Variants in PCDHAC1 observed in about 807,000 individuals in gnomAD.
The protein encoded by PCDHAC1 is protocadherin alpha subfamily C, 1.
PCDHAC1 carries 42 observed loss-of-function variants against 60.0 expected under a neutral mutation model. The observed-to-expected ratio is 0.70, with a 90% CI of 0.55 to 0.90. The LOEUF is 0.90. PCDHAC1 is among the 40% of genes least tolerant of loss of function. The pLI, the probability that PCDHAC1 is intolerant of heterozygous loss-of-function variation, is 0.00. For synonymous variants in PCDHAC1, 468 were observed against 499.3 expected, an observed-to-expected ratio of 0.94 and a Z score of 0.84; for missense variants, 1,160 against 1,222.3, an observed-to-expected ratio of 0.95 and a Z score of 0.76.
At chr5:141,000,393 CTCTATATATA>C (rs1279908183) in intron 3 of PCDHAC1, among the ~76,000 whole-genome samples, 25 of 52,852 alleles carry the variant, frequency 4.7e-4, no homozygotes, top group South Asian at 8.2e-4. Flanking sequence ...CTCTCTCTCT[CTCTATATATA>C]TATATATATA....
At position 140,990,592 on chromosome 5, in the gene PCDHAC1, C is replaced by T. The variant is rs150978794; in HGVS notation, c.2581+8029C>T. On this transcript the variant is annotated intron_variant, in intron 3 of 3. Coordinates refer to ENST00000253807, the MANE Select transcript of PCDHAC1 (RefSeq NM_018898.5). ...GTTCGATCTCTTTTCCTATAATCAC[C>T]TGGAGTCAGATGAATACCGTAAAGG... 2.7e-3 allele frequency among the ~76,000 whole-genome samples: 412 copies of T among 152,286 alleles called. 2 individuals are homozygous for T. Among genetic ancestry groups the T allele is most frequent in the African/African-American group, 9.5e-3 (395 of 41,556 alleles).
intron 3 of PCDHAC1, among the ~76,000 whole-genome samples, chr5:140,994,698 C>G (rs1238723224): frequency 6.6e-6 from 1 of 151,898 alleles, no homozygotes; most frequent in Non-Finnish European, 1.5e-5. Context: ...GAATGAGACC[C>G]TGTCTCAAAA....
chr5:141,003,588 T>C (rs558863784), intron 3 of PCDHAC1, among the ~76,000 whole-genome samples: 65 of 152,252 alleles, frequency 4.3e-4, no homozygotes, highest in African/African-American at 1.3e-3. Context: ...GCTGGGATTT[T>C]AGATGTGAGC....
rs782761972 is a variant in PCDHAC1, at chr5:140,927,978, T to C, written c.1086T>C (p.Phe362=). 9.9e-6 allele frequency: 16 copies of C among 1,614,092 alleles called. No individual in the cohort carries two copies. In the East Asian group the frequency reaches 1.8e-4, roughly 18 times the overall value. ...CCCCTGGCACAGTGATTGCTCTCTTTAGTGTAAAGGATGAAGACCTCGATT... is the reference window on the plus strand; with the variant it reads ...CCCCTGGCACAGTGATTGCTCTCTTCAGTGTAAAGGATGAAGACCTCGATT... The part of the protein sequence containing the change: ...DAAPGTVIAL[F]SVKDEDLDSN... The change falls in exon 1 of 4, where the codon TTT becomes TTC. Residue 362 remains phenylalanine, a synonymous_variant. Coordinates refer to ENST00000253807, the MANE Select transcript of PCDHAC1 (RefSeq NM_018898.5).
chr5:140,997,409 A>G (rs1378198322), intron 3 of PCDHAC1, among the ~76,000 whole-genome samples: 2 of 152,180 alleles, frequency 1.3e-5, no homozygotes, highest in Non-Finnish European at 1.5e-5. Flanking sequence ...CGTATGGCCT[A>G]TTTCTCCTAG....
Position 140,954,691 on chromosome 5 carries a change from A to G in PCDHAC1, c.2434-24258A>G, listed in dbSNP as rs561318179. Among the ~76,000 whole-genome samples the G allele has an allele frequency of 9.2e-5, 14 of 152,162 alleles. No homozygotes were observed. The East Asian group carries it at 2.5e-3, about 27-fold the overall frequency. ...TATTAGACTTTTGTCAGATGGATAG[A>G]CTACAAAATTTTTCTCCCATTCTGT... On this transcript the variant is annotated intron_variant, in intron 1 of 3. Coordinates refer to ENST00000253807, the MANE Select transcript of PCDHAC1 (RefSeq NM_018898.5).
chr5:140,933,064 A>G (rs2088836698), intron 1 of PCDHAC1, among the ~76,000 whole-genome samples: 1 of 152,030 alleles, frequency 6.6e-6, no homozygotes, highest in African/African-American at 2.4e-5. Context: ...GATCCTGACT[A>G]AAGTATTATG....
At chr5:140,981,203 C>T (rs2096922514) in intron 2 of PCDHAC1, among the ~76,000 whole-genome samples, 1 of 152,212 alleles carries the variant, frequency 6.6e-6, no homozygotes, top group South Asian at 2.1e-4. Flanking sequence ...TCTGTTGCCT[C>T]ATATAACCCC....
intron 2 of PCDHAC1, 179 bp from the exon 3 acceptor site, chr5:140,982,296 C>G (rs886254601): frequency 8.6e-7 from 1 of 1,167,014 alleles, no homozygotes; most frequent in African/African-American, 1.5e-5. Context: ...AGTAAGTCAG[C>G]AATGCTTCTG....
chr5:140,966,589 GGCCAGGA>G (rs1554228448), intron 1 of PCDHAC1: 2 of 580,716 alleles, frequency 3.4e-6, no homozygotes, highest in Non-Finnish European at 5.5e-6. Flanking sequence ...AGGACGGTGG[GGCCAGGA>G]GCCCTTGGGA....
At chr5:140,992,282 TG>T (rs1554252798) in intron 3 of PCDHAC1, among the ~76,000 whole-genome samples, 1 of 152,178 alleles carries the variant, frequency 6.6e-6, no homozygotes, top group African/African-American at 2.4e-5. Context: ...AGCACATCCC[TG>T]CAAAGGATGG....
At chr5:140,979,318 T>C (rs2096844474) in intron 2 of PCDHAC1, among the ~76,000 whole-genome samples, 1 of 152,196 alleles carries the variant, frequency 6.6e-6, no homozygotes, top group Non-Finnish European at 1.5e-5. Context: ...CTACCTATGC[T>C]TTCTTTTCCT....
chr5:141,000,361 G>C (rs1253295818), intron 3 of PCDHAC1, among the ~76,000 whole-genome samples: 2 of 26,450 alleles, frequency 7.6e-5, no homozygotes, highest in Non-Finnish European at 1.2e-4. Context: ...GTCTCTCTCT[G>C]TCTCTCTCTC....
chr5:140,927,252 C>A lies in PCDHAC1; in HGVS notation c.360C>A (p.Asn120Lys). The A allele has an allele frequency of 6.2e-7, 1 of 1,614,134 alleles. No homozygotes were observed. The highest frequency in any genetic ancestry group is 8.5e-7 in the Non-Finnish European group (1 of 1,180,034). The change falls in exon 1 of 4, where the codon AAC (asparagine) becomes AAA (lysine). Residue 120 changes from asparagine (N) to lysine (K), a missense_variant. By Grantham distance (94) the Asn-to-Lys change is moderately conservative. Coordinates refer to ENST00000253807, the MANE Select transcript of PCDHAC1 (RefSeq NM_018898.5). ...IRIHVLDTND[N>K]SPLFPAGDVQ... ...TTCACGTCCTGGACACCAATGACAA[C>A]TCACCTCTCTTTCCTGCCGGCGACG...
At chr5:140,967,120 G>C in intron 1 of PCDHAC1, 1 of 1,612,860 alleles carries the variant, frequency 6.2e-7, no homozygotes, top group East Asian at 2.2e-5. Flanking sequence ...CTCGCTGCCT[G>C]CTCAGCTTGG....
At chr5:140,964,118 C>G (rs1325218833) in intron 1 of PCDHAC1, among the ~76,000 whole-genome samples, 1 of 151,942 alleles carries the variant, frequency 6.6e-6, no homozygotes, top group African/African-American at 2.4e-5. Flanking sequence ...CAATCACATT[C>G]TAACAACTAG....
intron 1 of PCDHAC1, among the ~76,000 whole-genome samples, chr5:140,950,428 T>G (rs408652): frequency 0.56 from 85,077 of 151,214 alleles, 24,477 homozygotes; most frequent in African/African-American, 0.69. Context: ...TTTCTTCCAC[T>G]TAAAAAAAAT....
Position 140,946,375 on chromosome 5 carries a change from G to A in PCDHAC1, c.2433+17050G>A, listed in dbSNP as rs531638250. Among the ~76,000 whole-genome samples, 14 of 151,710 alleles carry A rather than the reference G, an allele frequency of 9.2e-5. No homozygotes were observed. In the South Asian group the frequency reaches 2.9e-3, roughly 32 times the overall value. On this transcript the variant is annotated intron_variant, in intron 1 of 3. Transcript: ENST00000253807. ...TGGAGAAAAGGGAACTCTTGCACACGGTTGGTAGGAATGTAAATTAGTACA... is the reference window on the plus strand; with the variant it reads ...TGGAGAAAAGGGAACTCTTGCACACAGTTGGTAGGAATGTAAATTAGTACA...
At chr5:140,967,712 G>A in intron 1 of PCDHAC1, 2 of 1,614,196 alleles carry the variant, frequency 1.2e-6, no homozygotes, top group Non-Finnish European at 1.7e-6. Flanking sequence ...CAGTACCGGG[G>A]AAGTGCGAGT....
Sources: allele counts gnomAD v4.1 joint callset (sites outside exome capture counted in the v4.1 genomes callset), GRCh38; gene constraint gnomAD v4.1.1; transcripts MANE v1.5; gene names NCBI Gene and HGNC (gene_info 2026-07-23, HGNC 2026-07-21).